SLC24A4: variants seen among roughly 807,000 people sequenced by gnomAD.
SLC24A4 encodes solute carrier family 24 member 4, also known as sodium/potassium/calcium exchanger 4.
In SLC24A4, 53 loss-of-function variants were observed where a neutral mutation model predicts 79.0. The observed-to-expected ratio is 0.67, with a 90% CI of 0.54 to 0.84. The LOEUF (loss-of-function observed/expected upper bound fraction) is 0.84, where lower values mean the gene tolerates loss of function less well. Ranked by LOEUF, SLC24A4 falls within the 40% of genes least tolerant of loss-of-function variation. The pLI is 0.00. For missense variants in SLC24A4, 731 were observed against 822.0 expected (o/e 0.89, Z 1.35); for synonymous variants, 323 against 323.8 (o/e 1.00, Z 0.03).
At chr14:92,425,041 C>T (rs1223977279) in intron 2 of SLC24A4, among the ~76,000 whole-genome samples, 1 of 152,192 alleles carries the variant, frequency 6.6e-6, no homozygotes, top group African/African-American at 2.4e-5. Flanking sequence ...TCACAGTCAA[C>T]ATGAGATCCG....
At chr14:92,345,056 C>A (rs1427531005) in intron 2 of SLC24A4, among the ~76,000 whole-genome samples, 1 of 152,126 alleles carries the variant, frequency 6.6e-6, no homozygotes, top group Non-Finnish European at 1.5e-5. Context: ...GGCTGAGGGG[C>A]AGATAGAGTG....
intron 8 of SLC24A4, among the ~76,000 whole-genome samples, chr14:92,446,899 A>G (rs1595295825): frequency 6.6e-6 from 1 of 152,122 alleles, no homozygotes; most frequent in African/African-American, 2.4e-5. Flanking sequence ...CTCCTGTGCC[A>G]CCTGCCGCAT....
In SLC24A4 at chr14:92,336,593, T is replaced by C. The variant is rs774249550; in HGVS notation, c.241+10615T>C. Among the ~76,000 whole-genome samples, 74 of 152,180 alleles carry C rather than the reference T, an allele frequency of 4.9e-4. 1 individual carries two copies. The highest frequency in any genetic ancestry group is 9.1e-4 in the Non-Finnish European group (62 of 68,038). On this transcript the variant is annotated intron_variant, in intron 2 of 16. Coordinates refer to ENST00000532405, the MANE Select transcript of SLC24A4 (RefSeq NM_153646.4). Reference sequence around the variant, plus strand: ...CAAGAAATTAAATTCAATGTATACTTCTTAAATGTCCACACACCCTGTACT... The same window carrying C: ...CAAGAAATTAAATTCAATGTATACTCCTTAAATGTCCACACACCCTGTACT...
At position 92,323,714 on chromosome 14, in the gene SLC24A4, C is replaced by G. The variant is rs1218026335; in HGVS notation, c.-117C>G. ...GGCCATGAGGCTTTGGCCCGGAGCT[C>G]CTCGCCTCTGAGTCGCGCACCGCCT... On this transcript the variant is annotated 5_prime_UTR_variant, in exon 1 of 17. Transcript: ENST00000532405. The surrounding 1 kb of genome is among the most constrained non-coding windows in gnomAD (Gnocchi z 4.9). The G allele has an allele frequency of 8.3e-6, 11 of 1,332,850 alleles. No homozygotes were observed. Among genetic ancestry groups the G allele is most frequent in the Non-Finnish European group, 1.1e-5 (11 of 1,006,790 alleles). The allele number at this position is 1,332,850 out of a possible 1,614,324, so 82.6% of individuals were successfully genotyped here.
chr14:92,367,748 ACTGT>A (rs1160225612), intron 2 of SLC24A4, among the ~76,000 whole-genome samples: 2 of 152,214 alleles, frequency 1.3e-5, no homozygotes, highest in Non-Finnish European at 1.5e-5. Flanking sequence ...ACCCTCAGTC[ACTGT>A]CTGCCCGTGA....
chr14:92,363,944 C>A (rs1027055187), intron 2 of SLC24A4, among the ~76,000 whole-genome samples: 7 of 152,212 alleles, frequency 4.6e-5, no homozygotes, highest in African/African-American at 1.7e-4. Context: ...GTCCCGGCCA[C>A]GCCGACCCAC....
intron 2 of SLC24A4, among the ~76,000 whole-genome samples, chr14:92,419,908 C>T (rs181911287): frequency 1.3e-5 from 2 of 152,098 alleles, no homozygotes; most frequent in Admixed American, 6.6e-5. Flanking sequence ...TGTACTTGGT[C>T]GAGAAGAGGT....
intron 12 of SLC24A4, among the ~76,000 whole-genome samples, chr14:92,458,375 C>T (rs981517009): frequency 3.9e-5 from 6 of 152,162 alleles, no homozygotes; most frequent in East Asian, 1.9e-4. Flanking sequence ...TGTCTCGGCC[C>T]GTCTCAAACG....
chr14:92,418,260 T>C (rs1891087659), intron 2 of SLC24A4, among the ~76,000 whole-genome samples: 1 of 151,862 alleles, frequency 6.6e-6, no homozygotes. Context: ...GAGCCAAGAG[T>C]GCTGAGGGGG....
At position 92,482,851 on chromosome 14, in the gene SLC24A4, G is replaced by GT. The variant is rs765263612; in HGVS notation, c.1422+6dup. 6.2e-7 allele frequency: 1 copy of GT among 1,607,830 alleles called. No individual in the cohort carries two copies. Among genetic ancestry groups the GT allele is most frequent in the Non-Finnish European group, 8.5e-7 (1 of 1,176,350 alleles). On this transcript the variant is annotated splice_donor_region_variant and intron_variant, in intron 13 of 16. Coordinates refer to ENST00000532405, the MANE Select transcript of SLC24A4 (RefSeq NM_153646.4). ...TCCTACATCATGGTGTGGCTGGTGA[G>GT]TGGGGGGAGCAGGGGGTGGACTGTG...
At chr14:92,400,663 T>C (rs1890071177) in intron 2 of SLC24A4, among the ~76,000 whole-genome samples, 1 of 152,150 alleles carries the variant, frequency 6.6e-6, no homozygotes, top group Non-Finnish European at 1.5e-5. Flanking sequence ...TAACTGAGAA[T>C]GTAATCCTCT....
At chr14:92,422,836 G>A (rs561825828) in intron 2 of SLC24A4, among the ~76,000 whole-genome samples, 6 of 152,224 alleles carry the variant, frequency 3.9e-5, no homozygotes, top group East Asian at 1.9e-4. Context: ...CATTTATTGC[G>A]ACAGGGTCTC....
At chr14:92,463,131 T>C (rs1186111162) in intron 12 of SLC24A4, among the ~76,000 whole-genome samples, 2 of 152,198 alleles carry the variant, frequency 1.3e-5, no homozygotes, top group Non-Finnish European at 2.9e-5. Context: ...TCTGTTATTA[T>C]AGCAAAACCC....
intron 2 of SLC24A4, among the ~76,000 whole-genome samples, chr14:92,427,720 C>T (rs556289305): frequency 2.6e-5 from 4 of 152,328 alleles, no homozygotes; most frequent in African/African-American, 9.6e-5. Flanking sequence ...GAATTTAATT[C>T]AGGGAATGAG....
chr14:92,464,853 C>G (rs1894014928), intron 12 of SLC24A4, among the ~76,000 whole-genome samples: 1 of 152,302 alleles, frequency 6.6e-6, no homozygotes, highest in East Asian at 1.9e-4. Flanking sequence ...TCACATGGAC[C>G]AGACCCAAGG....
intron 2 of SLC24A4, among the ~76,000 whole-genome samples, chr14:92,402,521 G>A (rs1010064772): frequency 2.6e-5 from 4 of 152,124 alleles, no homozygotes; most frequent in Non-Finnish European, 5.9e-5. Flanking sequence ...CTTTGGAGAT[G>A]AGTTAGAGTA....
At position 92,443,446 on chromosome 14, in the gene SLC24A4, A is replaced by C. The variant is rs1342970850; in HGVS notation, c.629A>C (p.Tyr210Ser). 2 of 1,614,032 alleles carry C rather than the reference A, an allele frequency of 1.2e-6. No homozygotes were observed. Among genetic ancestry groups the C allele is most frequent in the African/African-American group, 2.7e-5 (2 of 74,906 alleles). The change falls in exon 7 of 17, where the codon TAC (tyrosine) becomes TCC (serine). Residue 210 changes from tyrosine to serine, a missense_variant. Coordinates refer to ENST00000532405, the MANE Select transcript of SLC24A4 (RefSeq NM_153646.4). ...WWAVCRDSVY[Y>S]TISVIVLIVF... The stretch of plus-strand genomic sequence containing the variant: ...GCCGTGTGCCGAGACTCCGTGTACT[A>C]CACCATCTCTGTCATCGTGCTCATC...
intron 2 of SLC24A4, among the ~76,000 whole-genome samples, chr14:92,371,093 G>A (rs536453896): frequency 1.3e-5 from 2 of 152,200 alleles, no homozygotes; most frequent in East Asian, 1.9e-4. Context: ...AAAGCAGCTC[G>A]AGAAATTACT....
At chr14:92,339,375 A>G (rs1017765489) in intron 2 of SLC24A4, among the ~76,000 whole-genome samples, 21 of 152,194 alleles carry the variant, frequency 1.4e-4, no homozygotes, top group Non-Finnish European at 1.5e-5. Context: ...AATGGAGTAG[A>G]CACTTGGGTA....
Sources: gnomAD v4.1 joint callset for allele counts (sites outside exome capture counted in the v4.1 genomes callset) on GRCh38, gnomAD v4.1.1 for gene constraint, Gnocchi (gnomAD v3.1) non-coding constraint, MANE v1.5 for transcripts, NCBI Gene and HGNC (gene_info 2026-07-23, HGNC 2026-07-21) for gene names.